The following ARHGAP10 variants were observed in gnomAD, a reference collection of about 807,000 sequenced individuals.
ARHGAP10 encodes the protein Rho GTPase activating protein 10.
ARHGAP10 carries 87 observed loss-of-function variants against 108.6 expected under a neutral mutation model. That is an observed-to-expected ratio of 0.80 (90% confidence interval 0.67 to 0.96). ARHGAP10 has a LOEUF of 0.96. Among genes scored for constraint, ARHGAP10 ranks in the 40% least tolerant of loss-of-function variants. The probability of loss-of-function intolerance (pLI) is 0.00; values close to 1 mark genes in which losing one functional copy is unlikely to be tolerated. For missense variants in ARHGAP10, 939 were observed against 954.5 expected, an observed-to-expected ratio of 0.98 and a Z score of 0.21; for synonymous variants, 347 against 341.1, an observed-to-expected ratio of 1.02 and a Z score of -0.19.
chr4:147,801,164 G>A (rs1464485391), intron 1 of ARHGAP10, among the ~76,000 whole-genome samples: 1 of 152,136 alleles, frequency 6.6e-6, no homozygotes, highest in Non-Finnish European at 1.5e-5. Flanking sequence ...GCAAAATTTA[G>A]CATTTATTTT....
At chr4:147,792,863 T>C (rs1416481823) in intron 1 of ARHGAP10, among the ~76,000 whole-genome samples, 1 of 152,124 alleles carries the variant, frequency 6.6e-6, no homozygotes, top group Non-Finnish European at 1.5e-5. Flanking sequence ...AAATACAAGG[T>C]AGTTGGCCAG....
chr4:147,739,550 G>A (rs1728567249), intron 1 of ARHGAP10, among the ~76,000 whole-genome samples: 1 of 152,154 alleles, frequency 6.6e-6, no homozygotes, highest in South Asian at 2.1e-4. Context: ...CTAACAGCTT[G>A]TATTTGCTAT....
At chr4:147,791,488 C>T (rs1296634773) in intron 1 of ARHGAP10, among the ~76,000 whole-genome samples, 1 of 152,112 alleles carries the variant, frequency 6.6e-6, no homozygotes, top group Non-Finnish European at 1.5e-5. Flanking sequence ...TTTTTAAAAA[C>T]CTAACATATA....
chr4:147,984,980 A>G (rs534616866), intron 18 of ARHGAP10, among the ~76,000 whole-genome samples: 3 of 152,248 alleles, frequency 2.0e-5, no homozygotes, highest in Non-Finnish European at 2.9e-5. Flanking sequence ...GGGTGGTCCA[A>G]TGGGTGGCTA....
At chr4:147,947,227 CTTTT>C (rs34782915) in intron 15 of ARHGAP10, among the ~76,000 whole-genome samples, 2 of 101,604 alleles carry the variant, frequency 2.0e-5, no homozygotes, top group South Asian at 3.3e-4. Flanking sequence ...GAGTCACTGT[CTTTT>C]TTTTTTTTTT....
At chr4:148,037,444 T>G (rs1387076197) in intron 19 of ARHGAP10, among the ~76,000 whole-genome samples, 1 of 152,186 alleles carries the variant, frequency 6.6e-6, no homozygotes, top group East Asian at 1.9e-4. Flanking sequence ...GAGATGTCTC[T>G]TTTTGCAGGG....
intron 13 of ARHGAP10, among the ~76,000 whole-genome samples, chr4:147,924,915 T>C (rs979218592): frequency 1.3e-5 from 2 of 152,194 alleles, no homozygotes; most frequent in African/African-American, 4.8e-5. Context: ...TGAGGCCAAT[T>C]ATAATTAAGT....
chr4:147,784,720 AT>A (rs1730765612), intron 1 of ARHGAP10, among the ~76,000 whole-genome samples: 2 of 59,860 alleles, frequency 3.3e-5, no homozygotes, highest in African/African-American at 1.2e-4. Flanking sequence ...TATAAATATA[AT>A]ATATTATAAA....
chr4:148,017,070 G>A lies in ARHGAP10; in HGVS notation c.1717-6193G>A, dbSNP rs550957466. On this transcript the variant is annotated intron_variant, in intron 18 of 22. Transcript: ENST00000336498. ...CTCGGGAGGCTGAGGCAGGAGAATC[G>A]CCTTTTATGGAGACTTCATTGGATG... 5.3e-5 allele frequency among the ~76,000 whole-genome samples: 8 copies of A among 151,276 alleles called. No homozygotes were observed. The South Asian group carries it at 6.3e-4, about 12-fold the overall frequency.
chr4:147,911,597 CG>C (rs1452274883), intron 12 of ARHGAP10, among the ~76,000 whole-genome samples: 1 of 151,712 alleles, frequency 6.6e-6, no homozygotes, highest in East Asian at 1.9e-4. Context: ...CTCCTGACTT[CG>C]TGATCCGCCC....
At chr4:147,743,031 T>C (rs1728752732) in intron 1 of ARHGAP10, among the ~76,000 whole-genome samples, 2 of 151,868 alleles carry the variant, frequency 1.3e-5, no homozygotes, top group Admixed American at 1.3e-4. Context: ...TAGTTTTTTT[T>C]TTTTTTTTAA....
At chr4:147,827,838 G>A (rs548996503) in intron 3 of ARHGAP10, among the ~76,000 whole-genome samples, 21 of 152,110 alleles carry the variant, frequency 1.4e-4, no homozygotes, top group Admixed American at 5.9e-4. Flanking sequence ...ATGGGGTCTC[G>A]CTCTGTCACC....
intron 1 of ARHGAP10, among the ~76,000 whole-genome samples, chr4:147,795,787 C>A (rs1414007607): frequency 6.6e-6 from 1 of 151,576 alleles, no homozygotes; most frequent in African/African-American, 2.4e-5. Context: ...TTCTGCCTCC[C>A]AGATTCAAGC....
At chr4:147,805,984 G>A (rs1220932834) in intron 1 of ARHGAP10, among the ~76,000 whole-genome samples, 2 of 152,064 alleles carry the variant, frequency 1.3e-5, no homozygotes, top group African/African-American at 4.8e-5. Flanking sequence ...GCCCATGTTT[G>A]TACTTATACA....
chr4:148,043,754 G>A (rs1032877993), intron 19 of ARHGAP10, among the ~76,000 whole-genome samples: 7 of 131,846 alleles, frequency 5.3e-5, no homozygotes, highest in Non-Finnish European at 3.2e-5. Flanking sequence ...ATGTATATAT[G>A]TATATATATG....
intron 8 of ARHGAP10, among the ~76,000 whole-genome samples, chr4:147,876,003 A>G (rs1735043035): frequency 6.6e-6 from 1 of 152,182 alleles, no homozygotes; most frequent in Non-Finnish European, 1.5e-5. Context: ...GGTGTTTTAC[A>G]GTTTTCACTT....
rs187878604 is a variant in ARHGAP10, at chr4:147,850,549, C to T, written c.384+3327C>T. 2.6e-5 allele frequency among the ~76,000 whole-genome samples: 4 copies of T among 152,296 alleles called. No homozygotes were observed. In the East Asian group the frequency reaches 7.7e-4, roughly 29 times the overall value. On this transcript the variant is annotated intron_variant, in intron 4 of 22. Transcript: ENST00000336498. ...GAGCTGTAACAGTCACTGCAAAGGT[C>T]TGCGGCTTCACTCCTAAGTCAGCAA...
intron 1 of ARHGAP10, among the ~76,000 whole-genome samples, chr4:147,822,486 G>A (rs1732545310): frequency 6.6e-6 from 1 of 152,156 alleles, no homozygotes; most frequent in Admixed American, 6.5e-5. Flanking sequence ...AGGAGGTAGG[G>A]GAGGGAATAA....
intron 14 of ARHGAP10, 106 bp downstream of exon 14, chr4:147,940,005 C>T (rs1738112539): frequency 9.0e-7 from 1 of 1,110,528 alleles, no homozygotes; most frequent in African/African-American, 1.6e-5. Flanking sequence ...CATTCCATTC[C>T]TCTACTTTCT....
Sources: gnomAD v4.1 joint callset for allele counts (sites outside exome capture counted in the v4.1 genomes callset) on GRCh38, gnomAD v4.1.1 for gene constraint, MANE v1.5 for transcripts, NCBI Gene and HGNC (gene_info 2026-07-23, HGNC 2026-07-21) for gene names.